Variants in MICAL2 observed in about 807,000 individuals in gnomAD.
The protein encoded by MICAL2 is [F-actin]-monooxygenase MICAL2.
In MICAL2, 77 loss-of-function variants were observed where a neutral mutation model predicts 127.3. The observed-to-expected ratio is 0.60, with a 90% confidence interval of 0.50 to 0.73. MICAL2 has a LOEUF of 0.73. Ranked by LOEUF, MICAL2 falls within the 30% of genes least tolerant of loss-of-function variation. The probability of loss-of-function intolerance (pLI) is 0.00; values close to 1 mark genes in which losing one functional copy is unlikely to be tolerated. For missense variants in MICAL2, 1,351 were observed against 1,434.4 expected, an observed-to-expected ratio of 0.94 and a Z score of 0.94; for synonymous variants, 570 against 551.1, an observed-to-expected ratio of 1.03 and a Z score of -0.48.
intron 32 of MICAL2, among the ~76,000 whole-genome samples, chr11:12,341,189 C>A (rs773343298): frequency 2.0e-5 from 3 of 152,082 alleles, no homozygotes; most frequent in Non-Finnish European, 4.4e-5. Context: ...GGGGAGAGGC[C>A]CTGCACAGTG....
intron 21 of MICAL2, among the ~76,000 whole-genome samples, chr11:12,247,357 T>A (rs2134543087): frequency 6.6e-6 from 1 of 152,336 alleles, no homozygotes; most frequent in East Asian, 1.9e-4. Context: ...TCTTTCTCCC[T>A]AGCCAGCGTT....
At chr11:12,353,058 C>A (rs1487966058) in intron 33 of MICAL2, among the ~76,000 whole-genome samples, 1 of 152,186 alleles carries the variant, frequency 6.6e-6, no homozygotes, top group Non-Finnish European at 1.5e-5. Context: ...CCATTGGCTA[C>A]CACAGTGGGC....
rs1195382237 is a variant in MICAL2 at position 12,260,809 on chromosome 11, T to G, written c.3334+912T>G. ...AGGAGGACTGTTTTGCTCCCTTGTT[T>G]TGATGTTAAACAGTAGCTTAAAGGC... On this transcript the variant is annotated intron_variant, in intron 26 of 27. Transcript: ENST00000683283. The G allele has an allele frequency of 3.0e-6, 3 of 985,462 alleles. No homozygotes were observed. The South Asian group carries it at 1.4e-4, about 46-fold the overall frequency. The allele number at this position is 985,462 out of a possible 1,614,324, so 61.0% of individuals were successfully genotyped here.
chr11:12,213,317 A>G lies in MICAL2; in HGVS notation c.754A>G (p.Arg252Gly). The G allele has an allele frequency of 6.2e-7, 1 of 1,613,920 alleles. No homozygotes were observed. The highest frequency in any genetic ancestry group is 8.5e-7 in the Non-Finnish European group (1 of 1,179,768). Residue 252 changes from arginine (R) to glycine (G), a missense_variant, in exon 7 of 28, where the codon AGA (arginine) becomes GGA (glycine). Arg to Gly is a moderately radical substitution (Grantham distance 125). This residue lies in a region of MICAL2 where 599 missense variants were observed against 714.9 expected (regional missense o/e 0.84). Transcript: ENST00000683283. ...TGCCATCACCGCCAACTTCATAAACAGAAACAGCACAGCGGAAGCCAAGGT... is the reference window on the plus strand; with the variant it reads ...TGCCATCACCGCCAACTTCATAAACGGAAACAGCACAGCGGAAGCCAAGGT... The part of the protein sequence containing the change: ...AIAITANFIN[R>G]NSTAEAKVEE...
chr11:12,111,637 C>G (rs966774382), intron 1 of MICAL2, among the ~76,000 whole-genome samples: 2 of 152,118 alleles, frequency 1.3e-5, no homozygotes, highest in African/African-American at 4.8e-5. Context: ...TATTTGGAAG[C>G]CTGTAGGGCC....
chr11:12,306,686 G>A (rs1864114285), intron 29 of MICAL2, among the ~76,000 whole-genome samples: 1 of 152,136 alleles, frequency 6.6e-6, no homozygotes, highest in Non-Finnish European at 1.5e-5. Context: ...GCCTTTCCTA[G>A]AATGTCATAT....
chr11:12,173,461 T>C (rs1370666265), intron 3 of MICAL2, among the ~76,000 whole-genome samples: 1 of 152,238 alleles, frequency 6.6e-6, no homozygotes, highest in East Asian at 1.9e-4. Flanking sequence ...TGCTCCTCTC[T>C]AGCTTTAAGA....
At chr11:12,272,221 G>A (rs186895742), upstream of MICAL2, among the ~76,000 whole-genome samples, 451 of 152,254 alleles carry the variant, frequency 3.0e-3, 2 homozygotes, top group African/African-American at 0.01. Flanking sequence ...TTGGCCACCC[G>A]CAGCCGCCTC....
chr11:12,350,444 A>G (rs1302886651), intron 33 of MICAL2, among the ~76,000 whole-genome samples: 1 of 152,214 alleles, frequency 6.6e-6, no homozygotes, highest in Non-Finnish European at 1.5e-5. Flanking sequence ...CACACTCTGA[A>G]AAAGCTGAAG....
chr11:12,190,146 G>T (rs972494099), intron 3 of MICAL2, among the ~76,000 whole-genome samples: 3 of 152,146 alleles, frequency 2.0e-5, no homozygotes, highest in Admixed American at 2.0e-4. Context: ...ACTACATTCC[G>T]CTGGTGAGTA....
At chr11:12,126,705 TAAAAA>T (rs5789711) in intron 1 of MICAL2, among the ~76,000 whole-genome samples, 1 of 144,298 alleles carries the variant, frequency 6.9e-6, no homozygotes, top group South Asian at 2.2e-4. Flanking sequence ...CTTATGTGTG[TAAAAA>T]AAAAAAAAAA....
At chr11:12,216,341 T>G (rs774033770) in intron 8 of MICAL2, 22 bp downstream of exon 8, 1 of 1,586,516 alleles carries the variant, frequency 6.3e-7, no homozygotes, top group South Asian at 1.1e-5. Context: ...TTGGCTGCGA[T>G]TTCCCGACTT....
In MICAL2 at chr11:12,227,023, A is replaced by G. The variant is rs1265764149; in HGVS notation, c.1889-2A>G. 6.2e-7 allele frequency: 1 copy of G among 1,612,506 alleles called. No homozygotes were observed. Among genetic ancestry groups the G allele is most frequent in the Admixed American group, 1.7e-5 (1 of 59,998 alleles). On this transcript the variant is annotated splice_acceptor_variant, in intron 14 of 27. Coordinates refer to ENST00000683283, the MANE Select transcript of MICAL2 (RefSeq NM_001282663.2). LOFTEE classifies it high-confidence loss of function. ...TCACAGTTGCGCTTTATTTCCCAAC[A>G]GATTCTTGGCGCAAAAACTATGGAG...
At chr11:12,183,177 T>C (rs1413603377) in intron 3 of MICAL2, among the ~76,000 whole-genome samples, 2 of 151,362 alleles carry the variant, frequency 1.3e-5, no homozygotes, top group Non-Finnish European at 2.9e-5. Flanking sequence ...TTTTTTTTTT[T>C]CTTTTTTTTA....
intron 29 of MICAL2, among the ~76,000 whole-genome samples, chr11:12,314,641 G>C: frequency 4.1e-5 from 1 of 24,622 alleles, no homozygotes; most frequent in Admixed American, 5.6e-4. Context: ...ACCATGCCCA[G>C]CTAATTTTTT....
chr11:12,122,255 G>A (rs527260797), intron 1 of MICAL2, among the ~76,000 whole-genome samples: 9 of 152,298 alleles, frequency 5.9e-5, no homozygotes, highest in South Asian at 4.2e-4. Flanking sequence ...ACCTCTCATG[G>A]TGCCTGGCAC....
At chr11:12,315,800 A>G (rs888183233) in intron 29 of MICAL2, among the ~76,000 whole-genome samples, 1 of 152,208 alleles carries the variant, frequency 6.6e-6, no homozygotes, top group Admixed American at 6.5e-5. Flanking sequence ...TTGTGTACTT[A>G]TTCTATCAAT....
At chr11:12,147,792 AG>A (rs1208700942) in intron 2 of MICAL2, among the ~76,000 whole-genome samples, 9 of 152,366 alleles carry the variant, frequency 5.9e-5, no homozygotes, top group African/African-American at 2.2e-4. Flanking sequence ...GAATGTGGCT[AG>A]TGGGTCCCAA....
At chr11:12,271,327 CAA>C (rs1477295712), upstream of MICAL2, among the ~76,000 whole-genome samples, 1 of 152,188 alleles carries the variant, frequency 6.6e-6, no homozygotes, top group Non-Finnish European at 1.5e-5. Context: ...TGGCTTCAGG[CAA>C]ACTCTTAAAG....
Sources: allele counts gnomAD v4.1 joint callset (sites outside exome capture counted in the v4.1 genomes callset), GRCh38; gene constraint gnomAD v4.1.1; regional missense constraint gnomAD v4.1.1; transcripts MANE v1.5; gene names NCBI Gene and HGNC (gene_info 2026-07-23, HGNC 2026-07-21).